Variants in HOXB3 observed in about 807,000 individuals in gnomAD.
The protein encoded by HOXB3 is homeobox B3.
Under a neutral mutation model 29.2 loss-of-function variants are expected in HOXB3, and 17 were observed. The observed-to-expected ratio is 0.58, with a 90% CI of 0.40 to 0.87. The LOEUF (loss-of-function observed/expected upper bound fraction) is 0.87. Ranked by LOEUF, HOXB3 falls within the 40% of genes least tolerant of loss-of-function variation. The pLI is 0.00. For missense variants in HOXB3, 637 were observed against 616.3 expected (o/e 1.03, Z -0.35); for synonymous variants, 317 against 285.9 (o/e 1.11, Z -1.10).
In HOXB3 at chr17:48,550,603, T is replaced by A. The variant is rs772223760; in HGVS notation, c.1027A>T (p.Thr343Ser). The change falls in exon 5 of 5, where the codon ACG becomes TCG. Residue 343 changes from threonine (T) to serine (S), a missense_variant. Coordinates refer to ENST00000498678, the MANE Select transcript of HOXB3 (RefSeq NM_001384749.1). ...ACCGGACTGCCCTGCATGGTGGGCG[T>A]CCCGTAGGCGCCCCCGTTGGCTTGG... The part of the protein sequence containing the change: ...VLQANGGAYG[T>S]PTMQGSPVYV... 1 of 1,520,826 alleles carries A rather than the reference T, an allele frequency of 6.6e-7. No homozygotes were observed. The highest frequency in any genetic ancestry group is 8.8e-7 in the Non-Finnish European group (1 of 1,140,102). The allele number at this position is 1,520,826 out of a possible 1,614,324, so 94.2% of individuals were successfully genotyped here.
chr17:48,583,151 C>T (rs1441441820), intron 1 of HOXB3, among the ~76,000 whole-genome samples: 1 of 152,180 alleles, frequency 6.6e-6, no homozygotes, highest in Non-Finnish European at 1.5e-5. Flanking sequence ...CTCTTGGGGC[C>T]AAGATTTTGG....
intron 1 of HOXB3, among the ~76,000 whole-genome samples, chr17:48,583,707 C>A (rs1007921572): frequency 1.3e-5 from 2 of 152,216 alleles, no homozygotes; most frequent in Non-Finnish European, 2.9e-5. Context: ...AATTTGCTAA[C>A]GTTCTGTGCT....
At chr17:48,575,155 A>T (rs79057155) in intron 1 of HOXB3, 1 of 152,254 alleles carries the variant, frequency 6.6e-6, no homozygotes, top group Non-Finnish European at 1.5e-5. Flanking sequence ...TTATTTGCTT[A>T]TGACAAATAA....
chr17:48,586,423 C>T (rs2070047218), intron 1 of HOXB3, among the ~76,000 whole-genome samples: 2 of 152,178 alleles, frequency 1.3e-5, no homozygotes, highest in African/African-American at 4.8e-5. Flanking sequence ...CGTGCCCCCA[C>T]CCCCGGTCTA....
At chr17:48,571,023 G>A (rs2069567619) in intron 2 of HOXB3, among the ~76,000 whole-genome samples, 1 of 152,166 alleles carries the variant, frequency 6.6e-6, no homozygotes, top group South Asian at 2.1e-4. Context: ...TAATTTTTAA[G>A]GACAAGAAAA....
chr17:48,570,368 G>C (rs2069547657), intron 2 of HOXB3, among the ~76,000 whole-genome samples: 1 of 152,182 alleles, frequency 6.6e-6, no homozygotes, highest in Admixed American at 6.5e-5. Context: ...CTCGGCCGGG[G>C]CATGGGATGG....
At chr17:48,565,557 G>A (rs751117266) in intron 2 of HOXB3, among the ~76,000 whole-genome samples, 15 of 152,250 alleles carry the variant, frequency 9.9e-5, no homozygotes, top group African/African-American at 2.9e-4. Context: ...CCAATTCTGC[G>A]TCTCTCAGTG....
intron 2 of HOXB3, among the ~76,000 whole-genome samples, chr17:48,568,534 GCAGAAACAGCC>G (rs1193706733): frequency 6.6e-6 from 1 of 151,990 alleles, no homozygotes; most frequent in Admixed American, 6.6e-5. Flanking sequence ...CCGGCCGGCC[GCAGAAACAGCC>G]CAGCTTCCAC....
Position 48,552,286 on chromosome 17 carries a change from A to T in HOXB3, c.189T>A (p.His63Gln), listed in dbSNP as rs759372459. ...TGCCGTTGAGCTCCTTGCTCTTGGC[A>T]TGTGGGGCAGCGTTGCCCAGGGACT... ...SLQSLGNAAP[H>Q]AKSKELNGSC... The change falls in exon 4 of 5, where the codon CAT becomes CAA. Residue 63 changes from histidine (H) to glutamine (Q), a missense_variant. His to Gln is a conservative substitution (Grantham distance 24). Coordinates refer to ENST00000498678, the MANE Select transcript of HOXB3 (RefSeq NM_001384749.1). The T allele has an allele frequency of 6.2e-7, 1 of 1,613,914 alleles. No individual in the cohort carries two copies. The highest frequency in any genetic ancestry group is 1.1e-5 in the South Asian group (1 of 91,082).
chr17:48,588,575 T>C (rs957199768), intron 1 of HOXB3, among the ~76,000 whole-genome samples: 1 of 152,246 alleles, frequency 6.6e-6, no homozygotes, highest in Non-Finnish European at 1.5e-5. Flanking sequence ...TGCATGTCTG[T>C]CAACTCCGTT....
chr17:48,567,243 G>T (rs2069420009), intron 2 of HOXB3, among the ~76,000 whole-genome samples: 1 of 152,208 alleles, frequency 6.6e-6, no homozygotes, highest in South Asian at 2.1e-4. Context: ...GCGAGCTCCT[G>T]GATGCTGCAG....
Position 48,550,237 on chromosome 17 carries a change from TTC to T in HOXB3, c.*95_*96del. On this transcript the variant is annotated 3_prime_UTR_variant, in exon 5 of 5. Transcript: ENST00000498678. ...CTGACCAGGAAGCCTGGGTACCACC[TTC>T]TCTGGCTCCTCTTTTCAGACCTCCA... The T allele has an allele frequency of 6.5e-7, 1 of 1,529,562 alleles. No individual in the cohort carries two copies. Among genetic ancestry groups the T allele is most frequent in the Non-Finnish European group, 8.9e-7 (1 of 1,129,138 alleles). The allele number at this position is 1,529,562 out of a possible 1,614,324, so 94.7% of individuals were successfully genotyped here.
chr17:48,584,842 C>CA (rs1205952886), intron 1 of HOXB3, among the ~76,000 whole-genome samples: 1 of 152,132 alleles, frequency 6.6e-6, no homozygotes, highest in African/African-American at 2.4e-5. Context: ...CCCACTTCTG[C>CA]AACCCACAAG....
Position 48,575,098 on chromosome 17 carries a change from A to C in HOXB3, c.-424-1084T>G, listed in dbSNP as rs925554652. 14 of 152,360 alleles carry C rather than the reference A, an allele frequency of 9.2e-5. No homozygotes were observed. The East Asian group carries it at 2.7e-3, about 29-fold the overall frequency. 9.4% of individuals were successfully genotyped at this position (152,360 alleles called of 1,614,324 possible). ...TCATGGAATCCTCTCTCGGAACTTT[A>C]ATAACCAAAGAGCCTTCTGTCTAAA... On this transcript the variant is annotated intron_variant, in intron 1 of 4. Transcript: ENST00000498678.
At chr17:48,564,081 G>A (rs1406323407) in intron 2 of HOXB3, among the ~76,000 whole-genome samples, 2 of 136,120 alleles carry the variant, frequency 1.5e-5, no homozygotes, top group African/African-American at 2.8e-5. Context: ...GCCTTTCAAA[G>A]TTGCTCTCAT....
chr17:48,565,842 T>G (rs1211021539), intron 2 of HOXB3, among the ~76,000 whole-genome samples: 4 of 152,158 alleles, frequency 2.6e-5, no homozygotes, highest in Non-Finnish European at 5.9e-5. Context: ...GACTGGCCTT[T>G]GTTTCCACTC....
chr17:48,552,671 A>G (rs994582784), intron 3 of HOXB3, 39 bp from the exon 4 acceptor site: 5 of 519,938 alleles, frequency 9.6e-6, no homozygotes, highest in Non-Finnish European at 1.7e-5. Context: ...GGAGAAGAGG[A>G]CTGGGGCTCG....
intron 1 of HOXB3, chr17:48,580,118 T>C: frequency 3.1e-6 from 1 of 325,664 alleles, no homozygotes; most frequent in Non-Finnish European, 6.0e-6. Context: ...TCTCCTCTTC[T>C]ATTAGAATTT....
At chr17:48,562,674 C>G (rs1039427395) in intron 2 of HOXB3, among the ~76,000 whole-genome samples, 1 of 152,198 alleles carries the variant, frequency 6.6e-6, no homozygotes, top group Non-Finnish European at 1.5e-5. Context: ...ATTACGGCCA[C>G]TTAGGGCCCA....
Sources: allele counts gnomAD v4.1 joint callset (sites outside exome capture counted in the v4.1 genomes callset), GRCh38; gene constraint gnomAD v4.1.1; transcripts MANE v1.5; gene names NCBI Gene and HGNC (gene_info 2026-07-23, HGNC 2026-07-21).